Variants in SPOCK3 observed in about 807,000 individuals in gnomAD.
SPOCK3 encodes SPARC (osteonectin), cwcv and kazal like domains proteoglycan 3, also known as testican-3.
A neutral mutation model predicts 56.6 loss-of-function variants in SPOCK3; 30 were observed. That is an observed-to-expected ratio of 0.53 (90% confidence interval 0.40 to 0.72). The LOEUF is 0.72. SPOCK3 is among the 30% of genes least tolerant of loss of function. SPOCK3 has a pLI of 0.00. For missense variants in SPOCK3, 527 were observed against 530.0 expected, an observed-to-expected ratio of 0.99 and a Z score of 0.06; for synonymous variants, 196 against 183.3, an observed-to-expected ratio of 1.07 and a Z score of -0.56.
intron 7 of SPOCK3, among the ~76,000 whole-genome samples, chr4:166,785,636 G>A (rs935910198): frequency 6.8e-6 from 1 of 147,784 alleles, no homozygotes; most frequent in African/African-American, 2.4e-5. Flanking sequence ...TGTGAAGCTA[G>A]AAAATCCCCC....
chr4:166,838,935 C>G (rs1357596034), intron 6 of SPOCK3, among the ~76,000 whole-genome samples: 1 of 150,818 alleles, frequency 6.6e-6, no homozygotes, highest in East Asian at 2.0e-4. Context: ...GCACTCTAGC[C>G]TAGGCAACAA....
intron 3 of SPOCK3, among the ~76,000 whole-genome samples, chr4:167,008,073 A>C (rs1221016173): frequency 6.6e-6 from 1 of 152,140 alleles, no homozygotes; most frequent in Non-Finnish European, 1.5e-5. Flanking sequence ...AAGACACTTA[A>C]TGAAAATAAG....
At chr4:166,966,256 C>T (rs1409389975) in intron 4 of SPOCK3, among the ~76,000 whole-genome samples, 7 of 150,350 alleles carry the variant, frequency 4.7e-5, no homozygotes, top group Admixed American at 4.6e-4. Context: ...TTTTTTTTCC[C>T]GTCAAGTGTT....
intron 2 of SPOCK3, among the ~76,000 whole-genome samples, chr4:167,170,629 T>C (rs1180826780): frequency 2.0e-5 from 3 of 152,162 alleles, no homozygotes; most frequent in Non-Finnish European, 4.4e-5. Flanking sequence ...AGCTGGAAAG[T>C]GGCAGAACTT....
intron 2 of SPOCK3, among the ~76,000 whole-genome samples, chr4:167,072,519 G>C (rs1756780710): frequency 6.6e-6 from 1 of 151,812 alleles, no homozygotes; most frequent in African/African-American, 2.4e-5. Flanking sequence ...ATATTTAATG[G>C]AATACTTCTC....
At chr4:166,975,917 C>A (rs539599751) in intron 4 of SPOCK3, among the ~76,000 whole-genome samples, 1 of 152,210 alleles carries the variant, frequency 6.6e-6, no homozygotes, top group South Asian at 2.1e-4. Context: ...TGTTCATCTG[C>A]TCATGGACCC....
chr4:167,125,088 T>G (rs1359631687), intron 2 of SPOCK3, among the ~76,000 whole-genome samples: 1 of 152,068 alleles, frequency 6.6e-6, no homozygotes, highest in Non-Finnish European at 1.5e-5. Flanking sequence ...GCTTACTATA[T>G]TTTTTCCATA....
intron 6 of SPOCK3, among the ~76,000 whole-genome samples, chr4:166,801,157 C>T (rs6858153): frequency 0.44 from 66,821 of 151,864 alleles, 18,076 homozygotes; most frequent in African/African-American, 0.75. Context: ...CTCTATGATG[C>T]TCCCACAATA....
chr4:166,928,245 A>G (rs1739339793), intron 4 of SPOCK3, among the ~76,000 whole-genome samples: 1 of 152,222 alleles, frequency 6.6e-6, no homozygotes, highest in Non-Finnish European at 1.5e-5. Context: ...CAAAAAGTTG[A>G]AAAGGTATGT....
intron 2 of SPOCK3, among the ~76,000 whole-genome samples, chr4:167,164,396 A>C (rs1765579416): frequency 6.6e-6 from 1 of 152,098 alleles, no homozygotes; most frequent in Non-Finnish European, 1.5e-5. Context: ...AAAATTAATG[A>C]GATTATATGG....
At chr4:166,954,760 A>C (rs1326289974) in intron 4 of SPOCK3, among the ~76,000 whole-genome samples, 1 of 152,172 alleles carries the variant, frequency 6.6e-6, no homozygotes, top group Non-Finnish European at 1.5e-5. Context: ...ATCCAAATTC[A>C]ATCCAATTTC....
chr4:166,842,082 G>A (rs1178298762), intron 6 of SPOCK3, among the ~76,000 whole-genome samples: 1 of 152,152 alleles, frequency 6.6e-6, no homozygotes, highest in African/African-American at 2.4e-5. Context: ...CTCCGGGTGG[G>A]TTTGTGGTCT....
At chr4:167,181,707 T>A (rs1023521651) in intron 2 of SPOCK3, among the ~76,000 whole-genome samples, 1 of 152,176 alleles carries the variant, frequency 6.6e-6, no homozygotes, top group Admixed American at 6.5e-5. Context: ...GCTCTTTAAT[T>A]AAATAAACAT....
intron 6 of SPOCK3, among the ~76,000 whole-genome samples, chr4:166,832,646 G>T (rs1343840362): frequency 6.6e-6 from 1 of 152,102 alleles, no homozygotes; most frequent in African/African-American, 2.4e-5. Context: ...GCCAAGACAT[G>T]GAATGAACCT....
intron 6 of SPOCK3, among the ~76,000 whole-genome samples, chr4:166,857,649 T>C (rs1730831210): frequency 6.6e-6 from 1 of 152,228 alleles, no homozygotes; most frequent in Non-Finnish European, 1.5e-5. Flanking sequence ...TATAAGTGGT[T>C]TGAATATACT....
intron 6 of SPOCK3, among the ~76,000 whole-genome samples, chr4:166,882,348 G>T (rs1733767436): frequency 6.6e-6 from 1 of 152,068 alleles, no homozygotes; most frequent in Non-Finnish European, 1.5e-5. Context: ...TTTAAACCAA[G>T]AAATGCTCAG....
At chr4:167,134,231 C>T (rs551628036) in intron 2 of SPOCK3, among the ~76,000 whole-genome samples, 3 of 151,624 alleles carry the variant, frequency 2.0e-5, no homozygotes, top group Non-Finnish European at 2.9e-5. Context: ...TAGGGTTTCG[C>T]CATTTTGGCC....
chr4:167,184,734 T>C (rs922417776), intron 2 of SPOCK3, among the ~76,000 whole-genome samples: 3 of 152,184 alleles, frequency 2.0e-5, no homozygotes, highest in Admixed American at 6.5e-5. Flanking sequence ...AGTCTGATTT[T>C]AAAATACCTT....
chr4:166,807,680 G>A (rs1743322630), intron 6 of SPOCK3, among the ~76,000 whole-genome samples: 1 of 152,050 alleles, frequency 6.6e-6, no homozygotes. Flanking sequence ...GTTTGAATAG[G>A]ACACATACTA....
Sources: allele counts gnomAD v4.1 joint callset (sites outside exome capture counted in the v4.1 genomes callset), GRCh38; gene constraint gnomAD v4.1.1; transcripts MANE v1.5; gene names NCBI Gene and HGNC (gene_info 2026-07-23, HGNC 2026-07-21).